Variants in BTRC observed in about 807,000 individuals in gnomAD.
The protein encoded by BTRC is beta-transducin repeat containing E3 ubiquitin protein ligase, also known as F-box/WD repeat-containing protein 1A.
A neutral mutation model predicts 85.5 loss-of-function variants in BTRC; 42 were observed. That is an observed-to-expected ratio of 0.49 (90% CI 0.38 to 0.64). The LOEUF (loss-of-function observed/expected upper bound fraction) is 0.64, where lower values mean the gene tolerates loss of function less well. Among genes scored for constraint, BTRC ranks in the 30% least tolerant of loss-of-function variants. The pLI is 0.00. For synonymous variants in BTRC, 255 were observed against 263.3 expected (o/e 0.97, Z 0.30); for missense variants, 594 against 743.5 (o/e 0.80, Z 2.34).
rs370785248 is a variant in BTRC, at chr10:101,506,816, A to G, written c.325-14823A>G. Among the ~76,000 whole-genome samples, 19 of 152,190 alleles carry G rather than the reference A, an allele frequency of 1.2e-4. No individual in the cohort carries two copies. The East Asian group carries it at 2.3e-3, about 18-fold the overall frequency. On this transcript the variant is annotated intron_variant, in intron 4 of 14. Transcript: ENST00000370187. ...TACTCATTGTTTCACAAAGGGTTAA[A>G]TTATGTAGTTAGTGAATGCTTTTCT...
At chr10:101,384,608 T>C (rs1477852145) in intron 1 of BTRC, among the ~76,000 whole-genome samples, 1 of 152,206 alleles carries the variant, frequency 6.6e-6, no homozygotes, top group African/African-American at 2.4e-5. Flanking sequence ...AGCAGTTGAC[T>C]AACAGCTTTT....
intron 1 of BTRC, among the ~76,000 whole-genome samples, chr10:101,407,714 AT>A (rs1943664813): frequency 7.1e-6 from 1 of 140,580 alleles, no homozygotes; most frequent in Non-Finnish European, 1.5e-5. Flanking sequence ...TTAAACATTA[AT>A]TTTTTTCTTT....
intron 1 of BTRC, among the ~76,000 whole-genome samples, chr10:101,400,176 A>G (rs995980793): frequency 2.0e-5 from 3 of 152,244 alleles, no homozygotes; most frequent in Non-Finnish European, 4.4e-5. Context: ...GTAGCTGCCA[A>G]TCAGTCAGTG....
chr10:101,510,766 A>G lies in BTRC; in HGVS notation c.325-10873A>G, dbSNP rs556627729. On this transcript the variant is annotated intron_variant, in intron 4 of 14. Transcript: ENST00000370187. ...AAGTATTATACTAAAATAAATGTAT[A>G]TTATGACCCAGACTTACAATTCTCA... Among the ~76,000 whole-genome samples, 36 of 152,308 alleles carry G rather than the reference A, an allele frequency of 2.4e-4. No homozygotes were observed. The East Asian group carries it at 6.0e-3, about 25-fold the overall frequency.
At chr10:101,440,955 A>G (rs1471075407) in intron 2 of BTRC, among the ~76,000 whole-genome samples, 1 of 152,226 alleles carries the variant, frequency 6.6e-6, no homozygotes, top group East Asian at 1.9e-4. Flanking sequence ...AAGTAATACC[A>G]AAAGGAGGGA....
chr10:101,488,981 C>G (rs1274458576), intron 4 of BTRC, among the ~76,000 whole-genome samples: 1 of 152,066 alleles, frequency 6.6e-6, no homozygotes, highest in Non-Finnish European at 1.5e-5. Flanking sequence ...TGCTAAGATA[C>G]TGCATTTACA....
intron 3 of BTRC, among the ~76,000 whole-genome samples, 174 bp downstream of exon 3, chr10:101,462,232 TA>T (rs1301092640): frequency 1.2e-4 from 19 of 152,212 alleles, no homozygotes; most frequent in Non-Finnish European, 2.1e-4. Context: ...CCCAGTTATT[TA>T]AAAAACATTC....
At chr10:101,491,016 G>A (rs1012735210) in intron 4 of BTRC, among the ~76,000 whole-genome samples, 9 of 151,052 alleles carry the variant, frequency 6.0e-5, no homozygotes, top group African/African-American at 9.8e-5. Context: ...CCAAGATTGC[G>A]CCACTGTACT....
At chr10:101,543,731 T>C (rs1227915148) in intron 13 of BTRC, among the ~76,000 whole-genome samples, 1 of 152,174 alleles carries the variant, frequency 6.6e-6, no homozygotes, top group African/African-American at 2.4e-5. Flanking sequence ...TTTATTGCAG[T>C]CTACTATCAG....
chr10:101,538,256 T>C, intron 12 of BTRC, 37 bp from the exon 13 acceptor site: 1 of 1,559,714 alleles, frequency 6.4e-7, no homozygotes, highest in Non-Finnish European at 8.8e-7. Flanking sequence ...TTACATTTGC[T>C]TTTAACTAAC....
chr10:101,454,598 G>T (rs1945027752), intron 2 of BTRC, among the ~76,000 whole-genome samples: 1 of 152,090 alleles, frequency 6.6e-6, no homozygotes, highest in Admixed American at 6.6e-5. Context: ...GGGTAATATA[G>T]TGAGAACCCC....
chr10:101,463,961 A>C (rs1945298693), intron 3 of BTRC, among the ~76,000 whole-genome samples: 1 of 149,548 alleles, frequency 6.7e-6, no homozygotes, highest in South Asian at 2.1e-4. Flanking sequence ...AAAAAAAAAC[A>C]AACAAAAATC....
intron 2 of BTRC, among the ~76,000 whole-genome samples, chr10:101,435,643 G>A (rs1253647569): frequency 6.6e-6 from 1 of 151,958 alleles, no homozygotes; most frequent in Non-Finnish European, 1.5e-5. Context: ...TATTAATAAA[G>A]CTACTATAAA....
At chr10:101,472,462 AC>A (rs1260526436) in intron 3 of BTRC, among the ~76,000 whole-genome samples, 1 of 151,786 alleles carries the variant, frequency 6.6e-6, no homozygotes, top group Non-Finnish European at 1.5e-5. Flanking sequence ...GAGCCACCCC[AC>A]CCCTTTCCTA....
chr10:101,409,888 ATTTG>A (rs1189102194), intron 1 of BTRC, among the ~76,000 whole-genome samples: 10 of 152,142 alleles, frequency 6.6e-5, no homozygotes, highest in Admixed American at 6.5e-4. Flanking sequence ...GTATACATGT[ATTTG>A]TTTACCTGTT....
chr10:101,415,301 G>A (rs1405059038), intron 1 of BTRC, among the ~76,000 whole-genome samples: 2 of 151,292 alleles, frequency 1.3e-5, no homozygotes, highest in South Asian at 2.1e-4. Flanking sequence ...GCAGTCTCCC[G>A]AGTAGCTGGG....
intron 4 of BTRC, among the ~76,000 whole-genome samples, chr10:101,508,478 G>A (rs1043670884): frequency 6.6e-6 from 1 of 152,102 alleles, no homozygotes; most frequent in African/African-American, 2.4e-5. Context: ...TAATCCCACT[G>A]AGAAATATGA....
intron 3 of BTRC, 126 bp from the exon 4 acceptor site, chr10:101,479,242 A>G (rs1054009341): frequency 6.0e-6 from 4 of 663,816 alleles, no homozygotes; most frequent in Non-Finnish European, 9.8e-6. Flanking sequence ...CTCAGTTCCC[A>G]TAAGTCTTAA....
intron 1 of BTRC, among the ~76,000 whole-genome samples, chr10:101,374,347 G>T (rs1942727090): frequency 6.6e-6 from 1 of 151,946 alleles, no homozygotes; most frequent in Non-Finnish European, 1.5e-5. Flanking sequence ...GTTTATTGCG[G>T]CATTATTCAC....
Sources: gnomAD v4.1 joint callset for allele counts (sites outside exome capture counted in the v4.1 genomes callset) on GRCh38, gnomAD v4.1.1 for gene constraint, MANE v1.5 for transcripts, NCBI Gene and HGNC (gene_info 2026-07-23, HGNC 2026-07-21) for gene names.